The following FMNL2 variants were observed in gnomAD, a reference collection of about 807,000 sequenced individuals.
FMNL2 encodes the protein formin-like protein 2.
In FMNL2, 51 loss-of-function variants were observed where a neutral mutation model predicts 130.2. The ratio of observed to expected loss-of-function variants is 0.39; its 90% confidence interval spans 0.31 to 0.49. FMNL2 has a LOEUF of 0.49. FMNL2 is among the 20% of genes least tolerant of loss of function. The pLI is 0.85. For missense variants in FMNL2, 977 were observed against 1,316.2 expected (o/e 0.74, Z 3.99); for synonymous variants, 465 against 467.1 (o/e 1.00, Z 0.06).
chr2:152,431,965 T>TAAAAAAAAAAAAAAA lies in FMNL2; in HGVS notation c.118-89972_118-89958dup, dbSNP rs60639670. The stretch of plus-strand genomic sequence containing the variant: ...GGGCAACAGAGTGAAACCCTATCTT[T>TAAAAAAAAAAAAAAA]AAAAAAAAAAAAAAAAAAAAGATTT... On this transcript the variant is annotated intron_variant, in intron 1 of 25. Coordinates refer to ENST00000288670, the MANE Select transcript of FMNL2 (RefSeq NM_052905.4). Among the ~76,000 whole-genome samples, 66 of 82,144 alleles carry TAAAAAAAAAAAAAAA rather than the reference T, an allele frequency of 8.0e-4. 8 individuals carry two copies. The highest frequency in any genetic ancestry group is 3.9e-3 in the African/African-American group (61 of 15,616). 53.9% of individuals were successfully genotyped at this position (82,144 alleles called of 152,430 possible).
At chr2:152,579,000 T>C in intron 8 of FMNL2, 36 bp downstream of exon 8, 1 of 1,562,144 alleles carries the variant, frequency 6.4e-7, no homozygotes, top group Non-Finnish European at 8.8e-7. Flanking sequence ...TCTAAATCTA[T>C]CTAGAGAAAA....
intron 17 of FMNL2, 39 bp downstream of exon 17, chr2:152,626,766 A>G (rs1201469218): frequency 1.3e-6 from 2 of 1,529,742 alleles, no homozygotes; most frequent in Non-Finnish European, 1.8e-6. Flanking sequence ...AGTTTATGAT[A>G]AAATGAAAAT....
chr2:152,445,941 C>T (rs900438155), intron 1 of FMNL2, among the ~76,000 whole-genome samples: 6 of 152,184 alleles, frequency 3.9e-5, no homozygotes, highest in African/African-American at 1.4e-4. Context: ...CATTACAGCT[C>T]ATCTTTAAGG....
intron 1 of FMNL2, among the ~76,000 whole-genome samples, chr2:152,376,108 G>A (rs1200156749): frequency 6.6e-6 from 1 of 151,976 alleles, no homozygotes; most frequent in Non-Finnish European, 1.5e-5. Context: ...TGGCCAGGCT[G>A]GCCTTGAACT....
At chr2:152,566,939 C>T (rs940399877) in intron 6 of FMNL2, among the ~76,000 whole-genome samples, 3 of 152,092 alleles carry the variant, frequency 2.0e-5, no homozygotes, top group Non-Finnish European at 4.4e-5. Flanking sequence ...GTGGTAAGAC[C>T]GCATGCTTCC....
At chr2:152,551,143 G>GAA (rs5835434) in intron 4 of FMNL2, among the ~76,000 whole-genome samples, 74 of 121,284 alleles carry the variant, frequency 6.1e-4, no homozygotes, top group Admixed American at 1.4e-3. Context: ...CCATCTCACC[G>GAA]AAAAAAAAAA....
At chr2:152,434,075 GT>G (rs1431303004) in intron 1 of FMNL2, among the ~76,000 whole-genome samples, 2 of 152,198 alleles carry the variant, frequency 1.3e-5, no homozygotes, top group Non-Finnish European at 2.9e-5. Context: ...GCAAAACTGA[GT>G]AGTAGAAAAT....
At chr2:152,377,165 G>T (rs747830105) in intron 1 of FMNL2, among the ~76,000 whole-genome samples, 48 of 152,368 alleles carry the variant, frequency 3.2e-4, no homozygotes, top group Non-Finnish European at 6.2e-4. Flanking sequence ...ACATACTGTA[G>T]ATTATTTGTG....
At chr2:152,403,586 G>T (rs1685825101) in intron 1 of FMNL2, among the ~76,000 whole-genome samples, 1 of 151,058 alleles carries the variant, frequency 6.6e-6, no homozygotes, top group African/African-American at 2.4e-5. Flanking sequence ...CTTCCTTTCT[G>T]GCACTACAGA....
intron 1 of FMNL2, among the ~76,000 whole-genome samples, chr2:152,337,999 C>G (rs942782034): frequency 6.7e-6 from 1 of 149,490 alleles, no homozygotes; most frequent in African/African-American, 2.5e-5. Context: ...AATAGAAGTG[C>G]GCAGTGTTGG....
chr2:152,526,677 C>T (rs957253170), intron 2 of FMNL2, among the ~76,000 whole-genome samples: 8 of 152,010 alleles, frequency 5.3e-5, no homozygotes, highest in Admixed American at 6.6e-5. Flanking sequence ...TAGGTTTTTG[C>T]GATCTGTTTA....
intron 1 of FMNL2, among the ~76,000 whole-genome samples, chr2:152,415,216 A>G (rs917284875): frequency 3.3e-5 from 5 of 152,056 alleles, no homozygotes; most frequent in Admixed American, 2.0e-4. Flanking sequence ...GTTAATGTGA[A>G]CACCCACCTC....
intron 9 of FMNL2, among the ~76,000 whole-genome samples, chr2:152,605,839 T>G (rs1338062311): frequency 6.6e-6 from 1 of 152,146 alleles, no homozygotes; most frequent in Non-Finnish European, 1.5e-5. Context: ...CAGCGTATGG[T>G]TTAGAGATGG....
At chr2:152,346,453 C>G (rs1265219650) in intron 1 of FMNL2, among the ~76,000 whole-genome samples, 1 of 151,734 alleles carries the variant, frequency 6.6e-6, no homozygotes, top group African/African-American at 2.4e-5. Context: ...TGAGACCAGC[C>G]TGGGCAACAG....
intron 1 of FMNL2, among the ~76,000 whole-genome samples, chr2:152,406,952 A>G (rs996042949): frequency 6.6e-6 from 1 of 152,210 alleles, no homozygotes; most frequent in Non-Finnish European, 1.5e-5. Flanking sequence ...CCCAGACTTC[A>G]TCCTGGCTCT....
intron 1 of FMNL2, among the ~76,000 whole-genome samples, chr2:152,370,906 C>T (rs546679700): frequency 1.4e-4 from 22 of 152,234 alleles, no homozygotes; most frequent in African/African-American, 3.6e-4. Flanking sequence ...CTCACGAGGT[C>T]GCAATCATAT....
chr2:152,638,782 T>A (rs1682836790), intron 23 of FMNL2, among the ~76,000 whole-genome samples: 1 of 152,178 alleles, frequency 6.6e-6, no homozygotes, highest in African/African-American at 2.4e-5. Flanking sequence ...TGGCTGTGTT[T>A]ATGTGCTGTA....
intron 11 of FMNL2, among the ~76,000 whole-genome samples, chr2:152,613,788 C>A (rs1698807699): frequency 6.6e-6 from 1 of 152,230 alleles, no homozygotes; most frequent in South Asian, 2.1e-4. Context: ...TTGGCATCAT[C>A]CATGCACCAG....
chr2:152,559,039 C>T (rs1270219234), intron 5 of FMNL2, among the ~76,000 whole-genome samples: 1 of 152,150 alleles, frequency 6.6e-6, no homozygotes, highest in Non-Finnish European at 1.5e-5. Context: ...ATAAAAATCA[C>T]TCTTAAAGGA....
Sources: gnomAD v4.1 joint callset for allele counts (sites outside exome capture counted in the v4.1 genomes callset) on GRCh38, gnomAD v4.1.1 for gene constraint, MANE v1.5 for transcripts, NCBI Gene and HGNC (gene_info 2026-07-23, HGNC 2026-07-21) for gene names.